The following FAM210A variants were observed in gnomAD, a reference collection of about 807,000 sequenced individuals.
The protein encoded by FAM210A is mitochondrial inner membrane scaffold 1, also known as family with sequence similarity 210 member A.
A neutral mutation model predicts 25.3 loss-of-function variants in FAM210A; 13 were observed. The ratio of observed to expected loss-of-function variants is 0.51; its 90% CI spans 0.33 to 0.82. The LOEUF is 0.82. Ranked by LOEUF, FAM210A falls within the 40% of genes least tolerant of loss-of-function variation. FAM210A has a pLI of 0.02. For synonymous variants in FAM210A, 125 were observed against 118.7 expected, an observed-to-expected ratio of 1.05 and a Z score of -0.35; for missense variants, 319 against 323.2, an observed-to-expected ratio of 0.99 and a Z score of 0.10.
At chr18:13,709,242 G>T (rs145313562) in intron 1 of FAM210A, among the ~76,000 whole-genome samples, 2 of 152,006 alleles carry the variant, frequency 1.3e-5, no homozygotes, top group East Asian at 1.9e-4. Flanking sequence ...AGTAACAGCC[G>T]AAGTCCTTAA....
At chr18:13,688,241 G>A (rs771466970) in intron 1 of FAM210A, among the ~76,000 whole-genome samples, 1 of 152,182 alleles carries the variant, frequency 6.6e-6, no homozygotes, top group East Asian at 1.9e-4. Flanking sequence ...ACTTCCAAAC[G>A]TGTGTGCCCG....
chr18:13,698,812 C>A (rs545603290), intron 1 of FAM210A, among the ~76,000 whole-genome samples: 1 of 152,022 alleles, frequency 6.6e-6, no homozygotes, highest in East Asian at 1.9e-4. Flanking sequence ...CAAGGCATAC[C>A]GCCCAGACCC....
chr18:13,672,192 C>G (rs1265374239), intron 2 of FAM210A, among the ~76,000 whole-genome samples: 1 of 152,084 alleles, frequency 6.6e-6, no homozygotes, highest in African/African-American at 2.4e-5. Flanking sequence ...ATCTTATCGC[C>G]TACAACTTCT....
At chr18:13,709,241 C>T (rs57115369) in intron 1 of FAM210A, among the ~76,000 whole-genome samples, 2,152 of 152,282 alleles carry the variant, frequency 0.014, 48 homozygotes, top group African/African-American at 0.05. Flanking sequence ...GAGTAACAGC[C>T]GAAGTCCTTA....
intron 1 of FAM210A, among the ~76,000 whole-genome samples, chr18:13,705,751 C>T (rs1347084797): frequency 2.0e-5 from 3 of 152,170 alleles, no homozygotes; most frequent in African/African-American, 7.2e-5. Context: ...GGATTACAGG[C>T]ATGAGACACT....
At chr18:13,698,275 C>T (rs1013067871) in intron 1 of FAM210A, among the ~76,000 whole-genome samples, 3 of 145,916 alleles carry the variant, frequency 2.1e-5, no homozygotes, top group African/African-American at 7.6e-5. Flanking sequence ...TTGCTTGAAC[C>T]CAGGGGGCGG....
intron 2 of FAM210A, among the ~76,000 whole-genome samples, chr18:13,674,657 A>T (rs558312004): frequency 7.2e-5 from 1 of 13,808 alleles, no homozygotes; most frequent in South Asian, 1.5e-3. Context: ...CTGATTATTA[A>T]CATTCCTGAG....
At chr18:13,710,130 C>T (rs574914369) in intron 1 of FAM210A, 1 of 152,110 alleles carries the variant, frequency 6.6e-6, no homozygotes, top group African/African-American at 2.4e-5. Context: ...TGAAAGGCCA[C>T]AAGATTAGAA....
rs2043950271 is a variant in FAM210A at position 13,726,411 on chromosome 18, T to G, written c.-111A>C. 6.6e-6 allele frequency: 1 copy of G among 152,614 alleles called. No homozygotes were observed. Among genetic ancestry groups the G allele is most frequent in the African/African-American group, 2.4e-5 (1 of 41,446 alleles). The allele number at this position is 152,614 out of a possible 1,614,324, so 9.5% of individuals were successfully genotyped here. A position where few individuals can be genotyped will look rare whatever the true frequency, so the allele number is the denominator to read the frequency against. ...TCCTCGGATGCCACGGCGGTGTCAC[T>G]CAGCAGAGCAGCCCGACAAAGCGTG... On this transcript the variant is annotated 5_prime_UTR_variant, in exon 1 of 4. Transcript: ENST00000651643.
intron 1 of FAM210A, among the ~76,000 whole-genome samples, chr18:13,698,368 A>AAG (rs1289212430): frequency 5.3e-5 from 8 of 151,570 alleles, no homozygotes; most frequent in Non-Finnish European, 1.2e-4. Flanking sequence ...AAAAAAAAAA[A>AAG]AAAATAAGAA....
At chr18:13,680,540 G>T (rs561571150) in intron 2 of FAM210A, among the ~76,000 whole-genome samples, 200 of 152,256 alleles carry the variant, frequency 1.3e-3, no homozygotes, top group African/African-American at 4.7e-3. Flanking sequence ...CCAAAAATAG[G>T]TAGTTTCTAT....
intron 1 of FAM210A, among the ~76,000 whole-genome samples, chr18:13,698,289 T>A (rs1187202024): frequency 2.9e-5 from 4 of 138,620 alleles, no homozygotes; most frequent in African/African-American, 1.1e-4. Flanking sequence ...GGGGCGGAGG[T>A]TGCACTGAGC....
rs1413073984 is a variant in FAM210A, at chr18:13,695,264, T to A, written c.-28-13159A>T. 2.6e-5 allele frequency among the ~76,000 whole-genome samples: 4 copies of A among 152,334 alleles called. No individual in the cohort carries two copies. In the East Asian group the frequency reaches 5.8e-4, roughly 22 times the overall value. ...AATAGGAACACTTTGACACTGTTGG[T>A]GGGACTGTAAACTAGTTCAACCATT... On this transcript the variant is annotated intron_variant, in intron 1 of 3. Transcript: ENST00000651643.
rs188852723 is a variant in FAM210A at position 13,664,147 on chromosome 18, T to C, written c.*2333A>G. 7 of 152,242 alleles carry C rather than the reference T, an allele frequency of 4.6e-5. No individual in the cohort carries two copies. The highest frequency in any genetic ancestry group is 8.8e-5 in the Non-Finnish European group (6 of 68,042). 9.4% of individuals were successfully genotyped at this position (152,242 alleles called of 1,614,324 possible). On this transcript the variant is annotated 3_prime_UTR_variant, in exon 4 of 4. Transcript: ENST00000651643. ...CTGGTGCCAAGTAATACAACAGAGC[T>C]TCTCACATCTTCAGAGCATTTTTTA...
intron 1 of FAM210A, chr18:13,710,505 TAA>T (rs2043813368): frequency 6.6e-6 from 1 of 152,234 alleles, no homozygotes; most frequent in South Asian, 2.1e-4. Context: ...ATAGTTTCTA[TAA>T]TCCCTTACTT....
chr18:13,668,461 C>CTATA (rs2149050418), intron 3 of FAM210A, among the ~76,000 whole-genome samples: 1 of 152,324 alleles, frequency 6.6e-6, no homozygotes, highest in Admixed American at 6.5e-5. Context: ...TTAGTGCCAA[C>CTATA]TATACATGGA....
At position 13,665,409 on chromosome 18, in the gene FAM210A, C is replaced by CAAAAAAAAAAAAAAAAAAAAAA. The variant is rs1555788360; in HGVS notation, c.*1070_*1071insTTTTTTTTTTTTTTTTTTTTTT. The CAAAAAAAAAAAAAAAAAAAAAA allele has an allele frequency of 2.2e-5, 2 of 89,656 alleles. No homozygotes were observed. The highest frequency in any genetic ancestry group is 1.1e-4 in the Admixed American group (1 of 8,880). 5.6% of individuals were successfully genotyped at this position (89,656 alleles called of 1,614,324 possible). ...AAAAAAAAAAAAAAAAAAAAAAAATCAAGTAGAATGCTCAAACAAGGATAT... is the reference window on the plus strand; with the variant it reads ...AAAAAAAAAAAAAAAAAAAAAAAATCAAAAAAAAAAAAAAAAAAAAAAAAGTAGAATGCTCAAACAAGGATAT... On this transcript the variant is annotated 3_prime_UTR_variant, in exon 4 of 4. Transcript: ENST00000651643.
At chr18:13,681,240 C>T (rs532611215) in intron 2 of FAM210A, among the ~76,000 whole-genome samples, 95 of 152,250 alleles carry the variant, frequency 6.2e-4, no homozygotes, top group Non-Finnish European at 1.2e-3. Context: ...ATCAGACGCA[C>T]CTAATTGGGT....
At chr18:13,725,459 A>C (rs2149074183) in intron 1 of FAM210A, among the ~76,000 whole-genome samples, 2 of 152,322 alleles carry the variant, frequency 1.3e-5, no homozygotes. Context: ...GCCTTCCCCA[A>C]AGCCAGGTCT....
Sources: allele counts gnomAD v4.1 joint callset (sites outside exome capture counted in the v4.1 genomes callset), GRCh38; gene constraint gnomAD v4.1.1; transcripts MANE v1.5; gene names NCBI Gene and HGNC (gene_info 2026-07-23, HGNC 2026-07-21).